The following ASPA variants were observed in gnomAD, a reference collection of about 807,000 sequenced individuals.
ASPA encodes the protein aspartoacylase, also known as ACY-2.
In ASPA, 25 loss-of-function variants were observed where a neutral mutation model predicts 29.6. The ratio of observed to expected loss-of-function variants is 0.85; its 90% CI spans 0.62 to 1.18. ASPA has a LOEUF of 1.18. Ranked by LOEUF, ASPA falls within the 50% of genes most tolerant of loss-of-function variation. The pLI is 0.00. For missense variants in ASPA, 333 were observed against 385.7 expected, an observed-to-expected ratio of 0.86 and a Z score of 1.14; for synonymous variants, 131 against 130.3, an observed-to-expected ratio of 1.01 and a Z score of -0.04.
chr17:3,476,097 A>G lies in ASPA; in HGVS notation c.-63A>G, dbSNP rs2073517150. 15 of 1,487,594 alleles carry G rather than the reference A, an allele frequency of 1.0e-5. No homozygotes were observed. In the South Asian group the frequency reaches 1.2e-4, roughly 12 times the overall value. 92.1% of individuals were successfully genotyped at this position (1,487,594 alleles called of 1,614,324 possible). On this transcript the variant is annotated 5_prime_UTR_variant, in exon 1 of 6. Coordinates refer to ENST00000263080, the MANE Select transcript of ASPA (RefSeq NM_000049.4). ...TTACATTTCTAAACCTTTCTTAAGA[A>G]AATCGAATTTCCTTTGATCTCTCTT... is the stretch of plus-strand genomic sequence containing the variant.
chr17:3,492,371 G>A (rs1166062840), intron 4 of ASPA, among the ~76,000 whole-genome samples: 1 of 152,108 alleles, frequency 6.6e-6, no homozygotes, highest in Admixed American at 6.5e-5. Flanking sequence ...TGTTCTATCA[G>A]TTTTTACTTT....
rs777440893 is a variant in ASPA, at chr17:3,483,560, C to T, written c.494C>T (p.Ala165Val). Residue 165 changes from alanine to valine, a missense_variant, in exon 3 of 6, where the codon GCG (alanine) becomes GTG (valine). Physicochemically the swap from Ala to Val is moderately conservative, Grantham distance 64. Transcript: ENST00000263080. ...YLIEHPSLKY[A>V]TTRSIAKYPV... ...ATTGAGCATCCTTCCCTCAAATATG[C>T]GACCACTCGTTCCATAGCCAAGTAT... 9.3e-6 allele frequency: 15 copies of T among 1,613,878 alleles called. No homozygotes were observed. The highest frequency in any genetic ancestry group is 3.3e-4 in the Middle Eastern group (2 of 6,084).
At chr17:3,480,781 C>T (rs1277749400) in intron 1 of ASPA, among the ~76,000 whole-genome samples, 1 of 152,198 alleles carries the variant, frequency 6.6e-6, no homozygotes, top group Non-Finnish European at 1.5e-5. Context: ...CTGTAAGTTC[C>T]TCCCAAAGTT....
Position 3,483,548 on chromosome 17 carries a change from C to T in ASPA, c.482C>T (p.Ser161Phe). The T allele has an allele frequency of 1.9e-6, 3 of 1,614,152 alleles. No homozygotes were observed. In the South Asian group the frequency reaches 3.3e-5, roughly 18 times the overall value. ...PCYVYLIEHP[S>F]LKYATTRSIA... ...TACGTTTATCTGATTGAGCATCCTT[C>T]CCTCAAATATGCGACCACTCGTTCC... Residue 161 changes from serine to phenylalanine, a missense_variant, in exon 3 of 6, where the codon TCC becomes TTC. Physicochemically the swap from Ser to Phe is radical, Grantham distance 155. Transcript: ENST00000263080.
chr17:3,484,931 C>A (rs140206258), intron 3 of ASPA, among the ~76,000 whole-genome samples: 41 of 152,266 alleles, frequency 2.7e-4, no homozygotes, highest in Admixed American at 4.6e-4. Context: ...CTTCTGCAGG[C>A]TGATAATGTA....
chr17:3,491,639 TC>T (rs1389136433), intron 4 of ASPA, among the ~76,000 whole-genome samples: 1 of 151,782 alleles, frequency 6.6e-6, no homozygotes, highest in East Asian at 2.0e-4. Context: ...TTCCAGCTAC[TC>T]CGAAGGCTGA....
At chr17:3,492,708 G>A (rs2073845188) in intron 4 of ASPA, among the ~76,000 whole-genome samples, 1 of 152,138 alleles carries the variant, frequency 6.6e-6, no homozygotes, top group Non-Finnish European at 1.5e-5. Flanking sequence ...AAGCCTTTGA[G>A]GTGGAAAACT....
At chr17:3,493,533 C>T (rs1179564758) in intron 4 of ASPA, among the ~76,000 whole-genome samples, 1 of 131,720 alleles carries the variant, frequency 7.6e-6, no homozygotes, top group Non-Finnish European at 1.5e-5. Context: ...TGCACTCCAG[C>T]CTGGGTGAAA....
chr17:3,490,331 T>A lies in ASPA; in HGVS notation c.634+989T>A, dbSNP rs1285857072. On this transcript the variant is annotated intron_variant, in intron 4 of 5. Transcript: ENST00000263080. The surrounding 1 kb of genome is among the most constrained non-coding windows in gnomAD (Gnocchi z 4.6). ...ACTATCTGCTCATTTATTTGGTAAA[T>A]CTAAAACTGCACTAAAAAGTCTATT... Among the ~76,000 whole-genome samples the A allele has an allele frequency of 6.6e-6, 1 of 152,176 alleles. No individual in the cohort carries two copies. The highest frequency in any genetic ancestry group is 1.5e-5 in the Non-Finnish European group (1 of 68,040).
At chr17:3,487,073 C>CGTGTGTGT (rs59690349) in intron 3 of ASPA, among the ~76,000 whole-genome samples, 34,938 of 150,776 alleles carry the variant, frequency 0.23, 4,298 homozygotes, top group East Asian at 0.45. Context: ...TGTGTGTGTG[C>CGTGTGTGT]GTGTGTGTGT....
chr17:3,491,877 CT>C lies in ASPA; in HGVS notation c.635-2455del, dbSNP rs540965896. ...GACAGAAATTTTTTTCTTTTGTTTT[CT>C]TTTTTTTTTTTTTTTTTGAGACAGG... On this transcript the variant is annotated intron_variant, in intron 4 of 5. Transcript: ENST00000263080. Among the ~76,000 whole-genome samples, 320 of 123,034 alleles carry C rather than the reference CT, an allele frequency of 2.6e-3. 1 individual carries two copies. The highest frequency in any genetic ancestry group is 4.9e-3 in the Middle Eastern group (1 of 204). 80.7% of individuals were successfully genotyped at this position (123,034 alleles called of 152,430 possible). A position where few individuals can be genotyped will look rare whatever the true frequency, so the allele number is the denominator to read the frequency against.
chr17:3,488,444 G>A lies in ASPA; in HGVS notation c.527-791G>A, dbSNP rs1300088369. Among the ~76,000 whole-genome samples, 3 of 152,162 alleles carry A rather than the reference G, an allele frequency of 2.0e-5. No individual in the cohort carries two copies. In the East Asian group the frequency reaches 5.8e-4, roughly 29 times the overall value. On this transcript the variant is annotated intron_variant, in intron 3 of 5. Coordinates refer to ENST00000263080, the MANE Select transcript of ASPA (RefSeq NM_000049.4). This position sits in a 1 kb window ranked among gnomAD's most constrained non-coding sequence, Gnocchi z 6.1. ...AGCCGAGAAGGGCAGATTACCTGCG[G>A]TCAGGAGTTTGAGACCAGCCTGACC...
chr17:3,498,165 G>A (rs1417798342), intron 5 of ASPA, among the ~76,000 whole-genome samples: 2 of 151,982 alleles, frequency 1.3e-5, no homozygotes, highest in Non-Finnish European at 2.9e-5. Flanking sequence ...ATTTCCCAAC[G>A]GTAGAATGTC....
intron 1 of ASPA, among the ~76,000 whole-genome samples, chr17:3,480,448 C>T (rs894828091): frequency 6.6e-6 from 1 of 152,182 alleles, no homozygotes; most frequent in Non-Finnish European, 1.5e-5. Context: ...TTGGAGCTGT[C>T]CTCTTGCGCT....
chr17:3,499,969 C>A lies in ASPA; in HGVS notation c.*881C>A, dbSNP rs1266967093. The A allele has an allele frequency of 6.6e-6, 1 of 152,182 alleles. No homozygotes were observed. The highest frequency in any genetic ancestry group is 1.5e-5 in the Non-Finnish European group (1 of 68,040). 9.4% of individuals were successfully genotyped at this position (152,182 alleles called of 1,614,324 possible). On this transcript the variant is annotated 3_prime_UTR_variant, in exon 6 of 6. Transcript: ENST00000263080. ...AGGATCTTGAAGAAAATTAAAAATTCTACTCCAGTGCACACACACAAATGA... is the reference window on the plus strand; with the variant it reads ...AGGATCTTGAAGAAAATTAAAAATTATACTCCAGTGCACACACACAAATGA...
chr17:3,478,721 A>C (rs570763338), intron 1 of ASPA, among the ~76,000 whole-genome samples: 1 of 152,276 alleles, frequency 6.6e-6, no homozygotes, highest in African/African-American at 2.4e-5. Flanking sequence ...AGCGTGGTTG[A>C]AAAATTATAA....
intron 4 of ASPA, among the ~76,000 whole-genome samples, chr17:3,493,595 G>T (rs1465449775): frequency 7.7e-6 from 1 of 130,138 alleles, no homozygotes; most frequent in Non-Finnish European, 1.6e-5. Context: ...GAAAGAAAAA[G>T]AGCACGATAC....
chr17:3,494,572 A>G, intron 5 of ASPA, 113 bp downstream of exon 5: 1 of 862,686 alleles, frequency 1.2e-6, no homozygotes, highest in Non-Finnish European at 1.9e-6. Context: ...TGCTCTCATT[A>G]GACACTGAGT....
rs76667138 is a variant in ASPA at position 3,490,878 on chromosome 17, T to C, written c.634+1536T>C. Among the ~76,000 whole-genome samples, 1 of 152,158 alleles carries C rather than the reference T, an allele frequency of 6.6e-6. No individual in the cohort carries two copies. The highest frequency in any genetic ancestry group is 1.9e-4 in the East Asian group (1 of 5,190). Reference sequence around the variant, plus strand: ...ACCCCACCCCTTAACCCCTTATCTCTGCTTCAACCAGAGCTCTTCTGTGTA... The same window carrying C: ...ACCCCACCCCTTAACCCCTTATCTCCGCTTCAACCAGAGCTCTTCTGTGTA... On this transcript the variant is annotated intron_variant, in intron 4 of 5. Transcript: ENST00000263080. The surrounding 1 kb of genome is among the most constrained non-coding windows in gnomAD (Gnocchi z 4.6).
Sources: allele counts gnomAD v4.1 joint callset (sites outside exome capture counted in the v4.1 genomes callset), GRCh38; gene constraint gnomAD v4.1.1; non-coding constraint Gnocchi (gnomAD v3.1); transcripts MANE v1.5; gene names NCBI Gene and HGNC (gene_info 2026-07-23, HGNC 2026-07-21).